C10orf67: variants seen among roughly 807,000 people sequenced by gnomAD.
C10orf67 encodes chromosome 10 open reading frame 67.
In C10orf67, 60 loss-of-function variants were observed where a neutral mutation model predicts 35.6. That is an observed-to-expected ratio of 1.68 (90% CI 1.37 to 2.09). The LOEUF is 2.09. Among genes scored for constraint, C10orf67 ranks in the 30% most tolerant of loss-of-function variants. C10orf67 has a pLI of 0.00. For synonymous variants in C10orf67, 167 were observed against 115.8 expected, an observed-to-expected ratio of 1.44 and a Z score of -2.84; for missense variants, 474 against 330.2, an observed-to-expected ratio of 1.44 and a Z score of -3.38.
chr10:23,280,163 T>C (rs989523310), intron 8 of C10orf67, among the ~76,000 whole-genome samples: 3 of 152,330 alleles, frequency 2.0e-5, no homozygotes, highest in Admixed American at 6.5e-5. Flanking sequence ...CCAGTTTACA[T>C]ATACTTACTG....
chr10:23,299,753 G>C (rs554420367), intron 5 of C10orf67, among the ~76,000 whole-genome samples: 2 of 152,038 alleles, frequency 1.3e-5, no homozygotes, highest in African/African-American at 4.8e-5. Flanking sequence ...TGAGGCGGGC[G>C]AATCATGAGG....
chr10:23,269,483 C>T (rs1285467865), intron 8 of C10orf67, among the ~76,000 whole-genome samples: 3 of 152,048 alleles, frequency 2.0e-5, no homozygotes, highest in African/African-American at 7.2e-5. Context: ...ATGACAACAA[C>T]AAAACCAAGA....
intron 15 of C10orf67, among the ~76,000 whole-genome samples, chr10:23,208,101 C>T (rs1841206113): frequency 6.6e-6 from 1 of 152,150 alleles, no homozygotes; most frequent in Non-Finnish European, 1.5e-5. Context: ...TTCATTCGAA[C>T]GTTTGGTCTA....
intron 7 of C10orf67, 121 bp downstream of exon 7, chr10:23,289,779 T>C (rs1351471369): frequency 1.7e-6 from 1 of 600,734 alleles, no homozygotes; most frequent in Non-Finnish European, 3.0e-6. Flanking sequence ...TGGGGAGAGA[T>C]TAAATATGTG....
rs181212195 is a variant in C10orf67 at position 23,207,099 on chromosome 10, G to A, written c.1571-2844C>T. Among the ~76,000 whole-genome samples, 24 of 150,878 alleles carry A rather than the reference G, an allele frequency of 1.6e-4. No individual in the cohort carries two copies. The East Asian group carries it at 2.9e-3, about 18-fold the overall frequency. ...TTACAGCTCACACTGCCCAGTTTAC[G>A]AGAAAATGCAAAGGAGCTTGTTTGG... On this transcript the variant is annotated intron_variant, in intron 15 of 15. Transcript: ENST00000636213.
intron 2 of C10orf67, among the ~76,000 whole-genome samples, chr10:23,328,271 G>A (rs769313574): frequency 3.3e-5 from 5 of 152,082 alleles, no homozygotes; most frequent in Admixed American, 6.5e-5. Context: ...TGTCTCGGGC[G>A]GCAATGTGCA....
chr10:23,307,588 T>C (rs1844335559), intron 4 of C10orf67, among the ~76,000 whole-genome samples: 1 of 150,700 alleles, frequency 6.6e-6, no homozygotes. Context: ...GTGATTTTAT[T>C]TATTTAGATT....
intron 13 of C10orf67, among the ~76,000 whole-genome samples, chr10:23,230,657 C>A (rs929317162): frequency 6.6e-6 from 1 of 151,974 alleles, no homozygotes; most frequent in East Asian, 1.9e-4. Flanking sequence ...ACCTGCAGTA[C>A]CTAAAAGAGG....
chr10:23,207,414 A>G (rs1841187717), intron 15 of C10orf67, among the ~76,000 whole-genome samples: 1 of 152,056 alleles, frequency 6.6e-6, no homozygotes, highest in South Asian at 2.1e-4. Flanking sequence ...TGCCTTTTTC[A>G]TTTAGGTTGC....
intron 2 of C10orf67, among the ~76,000 whole-genome samples, chr10:23,329,580 TAAG>T (rs1382418402): frequency 1.3e-5 from 2 of 151,580 alleles, no homozygotes; most frequent in Non-Finnish European, 2.9e-5. Flanking sequence ...AACAATAGTG[TAAG>T]AAAAGAGTAT....
rs2132133483 is a variant in C10orf67, at chr10:23,237,409, A to G, written c.1434+2320T>C. 1.3e-5 allele frequency among the ~76,000 whole-genome samples: 2 copies of G among 152,258 alleles called. 1 individual carries two copies. The highest frequency in any genetic ancestry group is 4.1e-4 in the South Asian group (2 of 4,820). On this transcript the variant is annotated intron_variant, in intron 13 of 15. Transcript: ENST00000636213. ...CACACACACTTCCTGTGTCCTCGCC[A>G]TTCCACTCCTACCTGAGAGATATTA... is the stretch of plus-strand genomic sequence containing the variant.
intron 15 of C10orf67, among the ~76,000 whole-genome samples, chr10:23,207,358 G>A (rs1252108525): frequency 1.3e-5 from 2 of 152,164 alleles, no homozygotes; most frequent in East Asian, 1.9e-4. Flanking sequence ...ATAAAGGGAA[G>A]GTTGCTAATT....
chr10:23,333,565 A>T (rs1317905064), intron 1 of C10orf67, among the ~76,000 whole-genome samples: 2 of 152,166 alleles, frequency 1.3e-5, no homozygotes, highest in Non-Finnish European at 2.9e-5. Flanking sequence ...TGGGCCGAGG[A>T]CCCCTGGGGT....
chr10:23,274,082 TA>T (rs1197202254), intron 8 of C10orf67, among the ~76,000 whole-genome samples: 1 of 152,134 alleles, frequency 6.6e-6, no homozygotes, highest in East Asian at 1.9e-4. Context: ...AGCAAGTTTT[TA>T]TTAGGGATTT....
rs576895073 is a variant in C10orf67, at chr10:23,296,754, ATTTGTAGT to A, written c.703-5483_703-5476del. ...CATCTGGGGCACCATTTGAAGAATGATTTGTAGTTTTACAGCTTTGATTCTGGAAGAGA... is the reference window on the plus strand; with the variant it reads ...CATCTGGGGCACCATTTGAAGAATGATTTACAGCTTTGATTCTGGAAGAGA... On this transcript the variant is annotated intron_variant, in intron 5 of 15. Transcript: ENST00000636213. 5.3e-3 allele frequency among the ~76,000 whole-genome samples: 804 copies of A among 152,300 alleles called. 8 individuals carry two copies. The highest frequency in any genetic ancestry group is 0.018 in the African/African-American group (767 of 41,572).
At chr10:23,222,916 T>C (rs1234265011) in intron 15 of C10orf67, among the ~76,000 whole-genome samples, 1 of 152,154 alleles carries the variant, frequency 6.6e-6, no homozygotes, top group African/African-American at 2.4e-5. Flanking sequence ...CCCAAAGTGC[T>C]GGAATTACAG....
intron 4 of C10orf67, among the ~76,000 whole-genome samples, chr10:23,309,390 G>A (rs912536230): frequency 6.6e-6 from 1 of 152,072 alleles, no homozygotes; most frequent in African/African-American, 2.4e-5. Flanking sequence ...GACTCCAAAA[G>A]GGAAAAAGGT....
chr10:23,323,944 T>TAC (rs1845079582), intron 2 of C10orf67, among the ~76,000 whole-genome samples: 9 of 63,826 alleles, frequency 1.4e-4, no homozygotes, highest in African/African-American at 4.2e-4. Flanking sequence ...TATATATATA[T>TAC]ATATATATAC....
intron 8 of C10orf67, among the ~76,000 whole-genome samples, chr10:23,272,579 C>T (rs1032664888): frequency 2.6e-5 from 4 of 152,130 alleles, no homozygotes; most frequent in African/African-American, 4.8e-5. Context: ...ACCACTTTAC[C>T]TTGACTACTA....
Sources: gnomAD v4.1 joint callset for allele counts (sites outside exome capture counted in the v4.1 genomes callset) on GRCh38, gnomAD v4.1.1 for gene constraint, MANE v1.5 for transcripts, NCBI Gene and HGNC (gene_info 2026-07-23, HGNC 2026-07-21) for gene names.